Variants in SMAD9 observed in about 807,000 individuals in gnomAD.
The protein encoded by SMAD9 is SMAD family member 9.
Under a neutral mutation model 46.1 loss-of-function variants are expected in SMAD9, and 36 were observed. The ratio of observed to expected loss-of-function variants is 0.78; its 90% CI spans 0.60 to 1.03. The LOEUF (loss-of-function observed/expected upper bound fraction) is 1.03, where lower values mean the gene tolerates loss of function less well. Among genes scored for constraint, SMAD9 ranks in the 50% least tolerant of loss-of-function variants. The pLI is 0.00. For synonymous variants in SMAD9, 245 were observed against 237.1 expected (o/e 1.03, Z -0.31); for missense variants, 572 against 599.8 (o/e 0.95, Z 0.48).
rs112619843 is a variant in SMAD9 at position 36,853,533 on chromosome 13, G to C, written c.1146C>G (p.Leu382=). The change falls in exon 6 of 7, where the codon CTC becomes CTG. Residue 382 remains leucine, a synonymous_variant. Transcript: ENST00000379826. The part of the protein sequence containing the change: ...TVCKIPSGCS[L]KVFNNQLFAQ... Reference sequence around the variant, plus strand: ...CGAAGAGCTGGTTGTTGAAGACCTTGAGGCTGCAGCCGCTGGGGATCTTGC... The same window carrying C: ...CGAAGAGCTGGTTGTTGAAGACCTTCAGGCTGCAGCCGCTGGGGATCTTGC... 1 of 1,614,168 alleles carries C rather than the reference G, an allele frequency of 6.2e-7. No homozygotes were observed. The highest frequency in any genetic ancestry group is 1.1e-5 in the South Asian group (1 of 91,078).
chr13:36,847,161 C>T lies in SMAD9; in HGVS notation c.*1515G>A, dbSNP rs2058043022. On this transcript the variant is annotated 3_prime_UTR_variant, in exon 7 of 7. Coordinates refer to ENST00000379826, the MANE Select transcript of SMAD9 (RefSeq NM_001127217.3). ...TAGTAGCTCAATCATATATCTTTCT[C>T]ACATGATCATTTCTACCTTGAATAC... 6.6e-6 allele frequency: 1 copy of T among 152,190 alleles called. No homozygotes were observed. Among genetic ancestry groups the T allele is most frequent in the African/African-American group, 2.4e-5 (1 of 41,438 alleles). 9.4% of individuals were successfully genotyped at this position (152,190 alleles called of 1,614,324 possible). A position where few individuals can be genotyped will look rare whatever the true frequency, so the allele number is the denominator to read the frequency against.
At chr13:36,907,423 C>A (rs1160609683) in intron 1 of SMAD9, among the ~76,000 whole-genome samples, 1 of 152,172 alleles carries the variant, frequency 6.6e-6, no homozygotes, top group Non-Finnish European at 1.5e-5. Flanking sequence ...GATCCCAGGG[C>A]TTTGGGAGGC....
At chr13:36,861,333 G>C (rs999343780) in intron 5 of SMAD9, among the ~76,000 whole-genome samples, 6 of 148,586 alleles carry the variant, frequency 4.0e-5, no homozygotes. Flanking sequence ...TTTTTTTTTT[G>C]AGATGGAGCC....
At position 36,847,146 on chromosome 13, in the gene SMAD9, A is replaced by G. The variant is rs1251137464; in HGVS notation, c.*1530T>C. On this transcript the variant is annotated 3_prime_UTR_variant, in exon 7 of 7. Transcript: ENST00000379826. ...TGTAAGAGGTGACAGTAGTAGCTCA[A>G]TCATATATCTTTCTCACATGATCAT... 1 of 152,254 alleles carries G rather than the reference A, an allele frequency of 6.6e-6. No individual in the cohort carries two copies. The highest frequency in any genetic ancestry group is 1.5e-5 in the Non-Finnish European group (1 of 68,048). The allele number at this position is 152,254 out of a possible 1,614,324, so 9.4% of individuals were successfully genotyped here.
intron 1 of SMAD9, among the ~76,000 whole-genome samples, chr13:36,881,556 T>C (rs953664568): frequency 1.3e-5 from 2 of 152,186 alleles, no homozygotes; most frequent in Non-Finnish European, 2.9e-5. Flanking sequence ...ATTTAATAAG[T>C]ATAAAGCAAT....
chr13:36,898,445 A>G (rs781379592), intron 1 of SMAD9, among the ~76,000 whole-genome samples: 10 of 151,624 alleles, frequency 6.6e-5, no homozygotes, highest in Admixed American at 2.6e-4. Flanking sequence ...CAAAAATCTT[A>G]TAAGATATTA....
chr13:36,861,416 G>C (rs918979855), intron 5 of SMAD9, among the ~76,000 whole-genome samples: 3 of 151,860 alleles, frequency 2.0e-5, no homozygotes, highest in Non-Finnish European at 4.4e-5. Flanking sequence ...CTGGGTTCAA[G>C]TGATTCTCCT....
At chr13:36,873,615 C>T (rs1185933519) in intron 2 of SMAD9, among the ~76,000 whole-genome samples, 5 of 152,194 alleles carry the variant, frequency 3.3e-5, no homozygotes, top group Admixed American at 1.3e-4. Context: ...GTAATACCAG[C>T]ACTTTGAGAG....
chr13:36,880,180 T>C (rs2058390857), intron 1 of SMAD9, among the ~76,000 whole-genome samples: 1 of 152,222 alleles, frequency 6.6e-6, no homozygotes, highest in Non-Finnish European at 1.5e-5. Flanking sequence ...TCAAAGTCTT[T>C]GGAGTTTGTC....
Position 36,848,510 on chromosome 13 carries a change from G to T in SMAD9, c.*166C>A, listed in dbSNP as rs948762240. ...TCCAATTGCACTGTACTGGCATCAG[G>T]TTAACTAGAAAGCACAAAACAAACG... is the stretch of plus-strand genomic sequence containing the variant. On this transcript the variant is annotated 3_prime_UTR_variant, in exon 7 of 7. Coordinates refer to ENST00000379826, the MANE Select transcript of SMAD9 (RefSeq NM_001127217.3). The T allele has an allele frequency of 1.4e-6, 1 of 732,546 alleles. No individual in the cohort carries two copies. The highest frequency in any genetic ancestry group is 1.6e-5 in the South Asian group (1 of 61,170). The allele number at this position is 732,546 out of a possible 1,614,324, so 45.4% of individuals were successfully genotyped here.
At chr13:36,893,350 A>T (rs940374088) in intron 1 of SMAD9, among the ~76,000 whole-genome samples, 5 of 150,588 alleles carry the variant, frequency 3.3e-5, no homozygotes, top group African/African-American at 1.2e-4. Flanking sequence ...TAGTTTTTTT[A>T]AAAAAATTGA....
At chr13:36,874,748 T>A (rs1052005597) in intron 2 of SMAD9, among the ~76,000 whole-genome samples, 2 of 150,504 alleles carry the variant, frequency 1.3e-5, no homozygotes, top group Non-Finnish European at 3.0e-5. Context: ...TCCCAGCTAC[T>A]TGGGGGGGCT....
In SMAD9 at chr13:36,867,302, C is replaced by A; in HGVS notation, c.752G>T (p.Arg251Ile). 1 of 1,550,776 alleles carries A rather than the reference C, an allele frequency of 6.4e-7. No individual in the cohort carries two copies. Among genetic ancestry groups the A allele is most frequent in the Admixed American group, 2.0e-5 (1 of 50,996 alleles). ...ATTTGGTATCGATAGCACTACATGT[C>A]TATCAGCTGTGGCATCTACAGGTTG... ...SGQPVDATAD[R>I]HVVLSIPNGD... The change falls in exon 4 of 7, where the codon AGA (arginine) becomes ATA (isoleucine). Residue 251 changes from arginine (R) to isoleucine (I), a missense_variant. Transcript: ENST00000379826.
chr13:36,915,374 T>C (rs1364734072), intron 1 of SMAD9, among the ~76,000 whole-genome samples: 3 of 152,128 alleles, frequency 2.0e-5, no homozygotes, highest in Admixed American at 6.5e-5. Flanking sequence ...AGCACCAAAC[T>C]CTCCTCGGGA....
chr13:36,870,354 T>C (rs1253093213), intron 3 of SMAD9, among the ~76,000 whole-genome samples: 2 of 152,208 alleles, frequency 1.3e-5, no homozygotes, highest in Non-Finnish European at 1.5e-5. Flanking sequence ...ATTTCTTCTT[T>C]CTCAGTGAAC....
Position 36,848,670 on chromosome 13 carries a change from T to C in SMAD9, c.*6A>G, listed in dbSNP as rs1566328170. The C allele has an allele frequency of 4.3e-6, 7 of 1,614,100 alleles. No individual in the cohort carries two copies. The highest frequency in any genetic ancestry group is 5.9e-6 in the Non-Finnish European group (7 of 1,179,910). On this transcript the variant is annotated 3_prime_UTR_variant, in exon 7 of 7. Coordinates refer to ENST00000379826, the MANE Select transcript of SMAD9 (RefSeq NM_001127217.3). ...TCCTATGGAAATGCAGCTTAAGACA[T>C]GACTGTTAAGACACTGAAGAAATGG...
chr13:36,871,194 C>T (rs1032766067), intron 3 of SMAD9, among the ~76,000 whole-genome samples: 2 of 152,190 alleles, frequency 1.3e-5, no homozygotes, highest in Non-Finnish European at 2.9e-5. Context: ...AAACCTGTGC[C>T]TATGGTCTGG....
At chr13:36,879,163 T>C (rs140028961) in intron 2 of SMAD9, 115 bp downstream of exon 2, 3 of 759,660 alleles carry the variant, frequency 3.9e-6, no homozygotes, top group South Asian at 1.7e-5. Flanking sequence ...TCTCCTCTCT[T>C]CTCTCTCTCT....
At chr13:36,904,666 C>A (rs937468543) in intron 1 of SMAD9, among the ~76,000 whole-genome samples, 1 of 152,198 alleles carries the variant, frequency 6.6e-6, no homozygotes, top group Admixed American at 6.5e-5. Flanking sequence ...TCTGTGACTC[C>A]CCCAAATAAA....
Sources: gnomAD v4.1 joint callset for allele counts (sites outside exome capture counted in the v4.1 genomes callset) on GRCh38, gnomAD v4.1.1 for gene constraint, MANE v1.5 for transcripts, NCBI Gene and HGNC (gene_info 2026-07-23, HGNC 2026-07-21) for gene names.